Variants in PPP2R2C observed in about 807,000 individuals in gnomAD.
PPP2R2C encodes the protein protein phosphatase 2, regulatory subunit B, gamma.
In PPP2R2C, 10 loss-of-function variants were observed where a neutral mutation model predicts 45.3. That is an observed-to-expected ratio of 0.22 (90% CI 0.14 to 0.37). PPP2R2C has a LOEUF of 0.37. Among genes scored for constraint, PPP2R2C ranks in the 10% least tolerant of loss-of-function variants. The pLI, the probability that PPP2R2C is intolerant of heterozygous loss-of-function variation, is 1.00. For missense variants in PPP2R2C, 308 were observed against 619.7 expected (o/e 0.50, Z 5.34); for synonymous variants, 257 against 245.4 (o/e 1.05, Z -0.44).
intron 2 of PPP2R2C, among the ~76,000 whole-genome samples, chr4:6,491,833 T>TC (rs1722708550): frequency 6.6e-6 from 1 of 152,142 alleles, no homozygotes; most frequent in African/African-American, 2.4e-5. Context: ...ATTATAAGCT[T>TC]CCTGAGGGAA....
In PPP2R2C at chr4:6,320,850, T is replaced by C. The variant is rs1165128879; in HGVS notation, c.*2452A>G. On this transcript the variant is annotated 3_prime_UTR_variant, in exon 9 of 9. Transcript: ENST00000382599. Reference sequence around the variant, plus strand: ...AACCCCAACAACTTCACAATGACTATGTGAACGCCCGTACATTCGAGAGTA... The same window carrying C: ...AACCCCAACAACTTCACAATGACTACGTGAACGCCCGTACATTCGAGAGTA... The C allele has an allele frequency of 6.6e-6, 1 of 150,976 alleles. No individual in the cohort carries two copies. The highest frequency in any genetic ancestry group is 2.0e-4 in the East Asian group (1 of 5,078). 9.4% of individuals were successfully genotyped at this position (150,976 alleles called of 1,614,324 possible).
At chr4:6,427,643 T>C (rs1213584410) in intron 1 of PPP2R2C, among the ~76,000 whole-genome samples, 1 of 152,226 alleles carries the variant, frequency 6.6e-6, no homozygotes, top group Non-Finnish European at 1.5e-5. Flanking sequence ...CTTGTGGCCA[T>C]GCTTGTCCCT....
At chr4:6,487,037 A>G (rs1430821466) in intron 2 of PPP2R2C, among the ~76,000 whole-genome samples, 1 of 152,046 alleles carries the variant, frequency 6.6e-6, no homozygotes, top group Non-Finnish European at 1.5e-5. Context: ...TTTAAGGTTT[A>G]CAGTATACAT....
intron 6 of PPP2R2C, among the ~76,000 whole-genome samples, chr4:6,340,550 C>A (rs1422570959): frequency 7.0e-6 from 1 of 143,156 alleles, no homozygotes; most frequent in African/African-American, 2.5e-5. Context: ...TCCATCCAAT[C>A]CAGCAGCAAA....
At chr4:6,327,493 C>G (rs1463287408) in intron 8 of PPP2R2C, among the ~76,000 whole-genome samples, 1 of 152,314 alleles carries the variant, frequency 6.6e-6, no homozygotes, top group Admixed American at 6.5e-5. Context: ...GGCAGTGGGT[C>G]GCAGCCAGCG....
intron 2 of PPP2R2C, among the ~76,000 whole-genome samples, chr4:6,491,434 C>T (rs1414112425): frequency 1.3e-5 from 2 of 152,132 alleles, no homozygotes; most frequent in African/African-American, 2.4e-5. Context: ...CTTGGGGAAC[C>T]AGAGGGTTGA....
chr4:6,540,234 G>T (rs62286155), intron 1 of PPP2R2C, among the ~76,000 whole-genome samples: 6,476 of 152,220 alleles, frequency 0.043, 178 homozygotes, highest in Non-Finnish European at 0.069. Flanking sequence ...CAAGCCCCTA[G>T]CCCCTGGTAA....
chr4:6,406,429 A>G (rs1191690839), intron 1 of PPP2R2C, among the ~76,000 whole-genome samples: 1 of 152,236 alleles, frequency 6.6e-6, no homozygotes, highest in Non-Finnish European at 1.5e-5. Flanking sequence ...GTGCCCCACA[A>G]AAGATATGTA....
At chr4:6,423,635 C>G (rs535590308) in intron 1 of PPP2R2C, among the ~76,000 whole-genome samples, 1 of 152,298 alleles carries the variant, frequency 6.6e-6, no homozygotes, top group African/African-American at 2.4e-5. Flanking sequence ...TAATACAGTA[C>G]TTTGGAGGAA....
At chr4:6,344,274 G>A (rs1357903508) in intron 6 of PPP2R2C, among the ~76,000 whole-genome samples, 1 of 152,236 alleles carries the variant, frequency 6.6e-6, no homozygotes, top group Non-Finnish European at 1.5e-5. Flanking sequence ...AGCTGGGGGT[G>A]AAGAATGAAA....
At chr4:6,405,694 C>T (rs1717749515) in intron 1 of PPP2R2C, among the ~76,000 whole-genome samples, 1 of 152,110 alleles carries the variant, frequency 6.6e-6, no homozygotes, top group African/African-American at 2.4e-5. Flanking sequence ...GGAAGCAGCC[C>T]CTCTTGAATC....
chr4:6,379,254 A>C (rs747920092), intron 2 of PPP2R2C, among the ~76,000 whole-genome samples: 15 of 152,108 alleles, frequency 9.9e-5, no homozygotes, highest in Non-Finnish European at 1.9e-4. Flanking sequence ...AAGACCCTTG[A>C]CCGTGGAGCT....
chr4:6,339,776 C>A (rs940567342), intron 6 of PPP2R2C, among the ~76,000 whole-genome samples: 36 of 152,098 alleles, frequency 2.4e-4, no homozygotes, highest in Admixed American at 2.4e-3. Context: ...GGGCAGTGAT[C>A]GCCCCTGGCT....
chr4:6,374,571 G>A (rs1202878569), intron 4 of PPP2R2C, among the ~76,000 whole-genome samples: 1 of 152,228 alleles, frequency 6.6e-6, no homozygotes, highest in African/African-American at 2.4e-5. Context: ...CAGAGGTGAA[G>A]GCCAGTAGGG....
intron 5 of PPP2R2C, chr4:6,348,643 G>C (rs1015085356): frequency 3.0e-6 from 3 of 985,196 alleles, no homozygotes; most frequent in Admixed American, 1.2e-4. Context: ...CCAGGACTTG[G>C]AATACTGAAA....
At chr4:6,538,700 C>T (rs774596487) in intron 1 of PPP2R2C, among the ~76,000 whole-genome samples, 17 of 152,244 alleles carry the variant, frequency 1.1e-4, no homozygotes, top group Non-Finnish European at 2.2e-4. Flanking sequence ...ACCCACACCA[C>T]GTGCTACGTT....
Position 6,404,901 on chromosome 4 carries a change from G to A in PPP2R2C, c.71-23807C>T, listed in dbSNP as rs917864604. 5.3e-5 allele frequency among the ~76,000 whole-genome samples: 8 copies of A among 152,338 alleles called. No homozygotes were observed. In the South Asian group the frequency reaches 6.2e-4, roughly 12 times the overall value. ...ACTGCGGTCAGGTCCGCCCTGCCCC[G>A]TGTCCTTCCACTGTGCCATCTTGAG... On this transcript the variant is annotated intron_variant, in intron 1 of 8. Coordinates refer to ENST00000382599, the MANE Select transcript of PPP2R2C (RefSeq NM_020416.4).
intron 1 of PPP2R2C, among the ~76,000 whole-genome samples, chr4:6,539,149 A>G (rs1577247297): frequency 2.0e-5 from 3 of 150,874 alleles, no homozygotes; most frequent in East Asian, 3.9e-4. Context: ...AAAAAAAAAA[A>G]AGAGAGAGAG....
intron 2 of PPP2R2C, among the ~76,000 whole-genome samples, chr4:6,494,995 C>T (rs1429417583): frequency 2.6e-5 from 4 of 152,198 alleles, no homozygotes; most frequent in East Asian, 1.9e-4. Context: ...AAGCTGTCCA[C>T]GCAGCGAGGT....
Sources: allele counts gnomAD v4.1 joint callset (sites outside exome capture counted in the v4.1 genomes callset), GRCh38; gene constraint gnomAD v4.1.1; transcripts MANE v1.5; gene names NCBI Gene and HGNC (gene_info 2026-07-23, HGNC 2026-07-21).